The following TMEM132C variants were observed in gnomAD, a reference collection of about 807,000 sequenced individuals.
TMEM132C encodes the protein transmembrane protein 132C, also known as protein phosphatase 1, regulatory subunit 152.
Under a neutral mutation model 61.4 loss-of-function variants are expected in TMEM132C, and 29 were observed. The observed-to-expected ratio is 0.47, with a 90% CI of 0.35 to 0.64. The LOEUF (loss-of-function observed/expected upper bound fraction) is 0.64. Among genes scored for constraint, TMEM132C ranks in the 30% least tolerant of loss-of-function variants. The probability of loss-of-function intolerance (pLI) is 0.00; values close to 1 mark genes in which losing one functional copy is unlikely to be tolerated. For synonymous variants in TMEM132C, 656 were observed against 633.1 expected (o/e 1.04, Z -0.54); for missense variants, 1,408 against 1,476.9 (o/e 0.95, Z 0.76).
rs188617158 is a variant in TMEM132C, at chr12:128,707,386, A to T, written c.*1091A>T. On this transcript the variant is annotated 3_prime_UTR_variant, in exon 9 of 9. Transcript: ENST00000435159. ...CTTGGTCTATCACAAGACATAACTG[A>T]TGCTGAACATGAACAAAGATAAAAA... The T allele has an allele frequency of 5.3e-5, 8 of 152,358 alleles. No homozygotes were observed. Among genetic ancestry groups the T allele is most frequent in the African/African-American group, 1.9e-4 (8 of 41,586 alleles). The allele number at this position is 152,358 out of a possible 1,614,324, so 9.4% of individuals were successfully genotyped here. A position where few individuals can be genotyped will look rare whatever the true frequency, so the allele number is the denominator to read the frequency against.
intron 3 of TMEM132C, among the ~76,000 whole-genome samples, chr12:128,564,801 G>C (rs918895454): frequency 2.0e-5 from 3 of 152,152 alleles, no homozygotes; most frequent in African/African-American, 7.2e-5. Flanking sequence ...CCCAAAATGA[G>C]AGCTGCTGAT....
intron 1 of TMEM132C, among the ~76,000 whole-genome samples, chr12:128,302,931 G>T (rs1362833813): frequency 1.3e-5 from 2 of 152,102 alleles, no homozygotes; most frequent in African/African-American, 4.8e-5. Context: ...CTCAAATAAG[G>T]TTCACAGCCA....
intron 1 of TMEM132C, among the ~76,000 whole-genome samples, chr12:128,303,816 G>A (rs1010042209): frequency 6.6e-6 from 1 of 152,118 alleles, no homozygotes; most frequent in Admixed American, 6.5e-5. Context: ...GTGGCATTGT[G>A]GAAGTCATTT....
chr12:128,416,355 G>C (rs1743912329), intron 2 of TMEM132C, among the ~76,000 whole-genome samples: 1 of 152,116 alleles, frequency 6.6e-6, no homozygotes, highest in Admixed American at 6.5e-5. Context: ...TAATTAATAC[G>C]GGGCTAAAAT....
rs1347154653 is a variant in TMEM132C at position 128,694,043 on chromosome 12, C to T, written c.1655+9C>T. The T allele has an allele frequency of 9.0e-6, 14 of 1,551,306 alleles. No homozygotes were observed. The highest frequency in any genetic ancestry group is 1.0e-5 in the Non-Finnish European group (12 of 1,146,804). On this transcript the variant is annotated intron_variant, in intron 6 of 8. Transcript: ENST00000435159. The stretch of plus-strand genomic sequence containing the variant: ...ATTGTGACCAATAAGAGGTGAGCCT[C>T]GGATGGGGAGATGCCCTAGAGCCAA...
chr12:128,274,218 G>T (rs1870611836), intron 1 of TMEM132C, among the ~76,000 whole-genome samples: 1 of 152,148 alleles, frequency 6.6e-6, no homozygotes, highest in Non-Finnish European at 1.5e-5. Context: ...CCTGATTAAG[G>T]ATGTTCTTAA....
At chr12:128,588,541 G>C (rs1875634144) in intron 3 of TMEM132C, among the ~76,000 whole-genome samples, 1 of 152,108 alleles carries the variant, frequency 6.6e-6, no homozygotes, top group Non-Finnish European at 1.5e-5. Flanking sequence ...ATCGCCATGG[G>C]TTGCTTGAAT....
chr12:128,458,284 G>T (rs1167102829), intron 2 of TMEM132C, among the ~76,000 whole-genome samples: 3 of 66,640 alleles, frequency 4.5e-5, no homozygotes, highest in African/African-American at 1.3e-4. Context: ...ATAATATTTA[G>T]TATTGTAATT....
At chr12:128,347,387 G>T (rs1267949280) in intron 1 of TMEM132C, among the ~76,000 whole-genome samples, 1 of 131,828 alleles carries the variant, frequency 7.6e-6, no homozygotes, top group African/African-American at 3.6e-5. Context: ...CCATAAGCAT[G>T]CATATGTATG....
chr12:128,330,591 G>T (rs1042210184), intron 1 of TMEM132C, among the ~76,000 whole-genome samples: 21 of 152,006 alleles, frequency 1.4e-4, no homozygotes, highest in African/African-American at 4.1e-4. Context: ...TTAATAGATT[G>T]ATTTGAAAAA....
chr12:128,509,110 G>A (rs1403798989), intron 2 of TMEM132C, among the ~76,000 whole-genome samples: 1 of 152,206 alleles, frequency 6.6e-6, no homozygotes, highest in South Asian at 2.1e-4. Flanking sequence ...CCTAGGCTGT[G>A]TGCAAGTCCT....
intron 1 of TMEM132C, among the ~76,000 whole-genome samples, chr12:128,346,920 T>A: frequency 6.6e-6 from 1 of 152,226 alleles, no homozygotes; most frequent in Non-Finnish European, 1.5e-5. Context: ...AATCAGGAAC[T>A]CTTTTTATTT....
At chr12:128,609,644 T>C (rs1461379671) in intron 3 of TMEM132C, among the ~76,000 whole-genome samples, 1 of 152,134 alleles carries the variant, frequency 6.6e-6, no homozygotes, top group Non-Finnish European at 1.5e-5. Context: ...TCCTCCCTGC[T>C]GCCTGTCTCT....
chr12:128,467,306 T>A (rs544770584), intron 2 of TMEM132C, among the ~76,000 whole-genome samples: 5 of 152,306 alleles, frequency 3.3e-5, no homozygotes, highest in African/African-American at 1.2e-4. Context: ...GCCAGAGATC[T>A]TCTTCTCCAT....
intron 1 of TMEM132C, among the ~76,000 whole-genome samples, chr12:128,373,870 A>G (rs1825644489): frequency 6.6e-6 from 1 of 152,172 alleles, no homozygotes; most frequent in Non-Finnish European, 1.5e-5. Flanking sequence ...AAGGCCAGAG[A>G]TGGCCTTGCG....
Position 128,697,226 on chromosome 12 carries a change from G to A in TMEM132C, c.1932G>A (p.Val644=). 1 of 1,509,592 alleles carries A rather than the reference G, an allele frequency of 6.6e-7. No homozygotes were observed. Among genetic ancestry groups the A allele is most frequent in the Non-Finnish European group, 9.0e-7 (1 of 1,117,010 alleles). 93.5% of individuals were successfully genotyped at this position (1,509,592 alleles called of 1,614,324 possible). ...CTTGTGTCCTGCCAATCCCACAGGT[G>A]TTGTCTCCACTGTCTGACTCCATCC... ...GREVGMTTIQ[V]LSPLSDSILA... is the part of the protein sequence containing the mutation. Residue 644 remains valine, a splice_region_variant and synonymous_variant, in exon 8 of 9, where the codon GTG becomes GTA. Transcript: ENST00000435159.
chr12:128,522,452 T>C (rs559140008), intron 2 of TMEM132C, among the ~76,000 whole-genome samples: 5 of 152,358 alleles, frequency 3.3e-5, no homozygotes, highest in South Asian at 2.1e-4. Flanking sequence ...ATCAGTCTCT[T>C]CTTGGCATTG....
chr12:128,617,924 C>T (rs561054636), intron 4 of TMEM132C, among the ~76,000 whole-genome samples: 1 of 152,328 alleles, frequency 6.6e-6, no homozygotes, highest in South Asian at 2.1e-4. Flanking sequence ...CAACAAACAA[C>T]AAGCCATGGG....
At position 128,706,121 on chromosome 12, in the gene TMEM132C, G is replaced by A. The variant is rs1769863533; in HGVS notation, c.3153G>A (p.Arg1051=). ...CCCTGCACTCGCCCACCTCCAAGAGGAAGAAGGTGAAATTTACCACCTTTA... is the reference window on the plus strand; with the variant it reads ...CCCTGCACTCGCCCACCTCCAAGAGAAAGAAGGTGAAATTTACCACCTTTA... ...QDPLHSPTSK[R]KKVKFTTFTT... is the part of the protein sequence containing the mutation. The change falls in exon 9 of 9, where the codon AGG becomes AGA. Residue 1051 remains arginine (R), a synonymous_variant. Transcript: ENST00000435159. 1 of 1,551,730 alleles carries A rather than the reference G, an allele frequency of 6.4e-7. No individual in the cohort carries two copies.
Sources: allele counts gnomAD v4.1 joint callset (sites outside exome capture counted in the v4.1 genomes callset), GRCh38; gene constraint gnomAD v4.1.1; transcripts MANE v1.5; gene names NCBI Gene and HGNC (gene_info 2026-07-23, HGNC 2026-07-21).